Variants in SPDYE5 observed in about 807,000 individuals in gnomAD.
SPDYE5 encodes the protein speedy protein E5.
SPDYE5 carries 15 observed loss-of-function variants against 48.5 expected under a neutral mutation model. That is an observed-to-expected ratio of 0.31 (90% confidence interval 0.21 to 0.48). The LOEUF (loss-of-function observed/expected upper bound fraction) is 0.48, where lower values mean the gene tolerates loss of function less well. Among genes scored for constraint, SPDYE5 ranks in the 20% least tolerant of loss-of-function variants. SPDYE5 has a pLI of 0.99. For missense variants in SPDYE5, 331 were observed against 549.1 expected, an observed-to-expected ratio of 0.60 and a Z score of 3.97; for synonymous variants, 116 against 200.7, an observed-to-expected ratio of 0.58 and a Z score of 3.57.
chr7:75,501,497 G>A lies in SPDYE5; in HGVS notation c.891G>A (p.Pro297=), dbSNP rs374355997. ...TCCAGTTAGGCCGTTCCATGAACCC[G>A]AGGGCCAGGAAGAAGCGCTCTCGCA... ...RWFQLGRSMN[P]RARKKRSRIP... Residue 297 remains proline, a synonymous_variant, in exon 7 of 9, where the codon CCG becomes CCA. Coordinates refer to ENST00000625065, the MANE Select transcript of SPDYE5 (RefSeq NM_001306141.4). 20 of 1,322,264 alleles carry A rather than the reference G, an allele frequency of 1.5e-5. 4 individuals carry two copies. Among genetic ancestry groups the A allele is most frequent in the East Asian group, 5.5e-5 (2 of 36,070 alleles). 81.9% of individuals were successfully genotyped at this position (1,322,264 alleles called of 1,614,324 possible). A position where few individuals can be genotyped will look rare whatever the true frequency, so the allele number is the denominator to read the frequency against.
rs1725791498 is a variant in SPDYE5 at position 75,503,618 on chromosome 7, G to T, written c.*831G>T. On this transcript the variant is annotated 3_prime_UTR_variant, in exon 9 of 9. Coordinates refer to ENST00000625065, the MANE Select transcript of SPDYE5 (RefSeq NM_001306141.4). ...CAAAAAAAACATAATTCTGGTGATAGAAATTTTTATTTGCTGTTTAGGTTT... is the reference window on the plus strand; with the variant it reads ...CAAAAAAAACATAATTCTGGTGATATAAATTTTTATTTGCTGTTTAGGTTT... 2 of 151,304 alleles carry T rather than the reference G, an allele frequency of 1.3e-5. No individual in the cohort carries two copies. Among genetic ancestry groups the T allele is most frequent in the African/African-American group, 4.8e-5 (2 of 41,342 alleles). 9.4% of individuals were successfully genotyped at this position (151,304 alleles called of 1,614,324 possible). A position where few individuals can be genotyped will look rare whatever the true frequency, so the allele number is the denominator to read the frequency against.
intron 8 of SPDYE5, 84 bp downstream of exon 8, chr7:75,502,066 C>G: frequency 6.9e-7 from 1 of 1,449,278 alleles, no homozygotes; most frequent in African/African-American, 1.4e-5. Context: ...GATCCGGCTT[C>G]AAGCCTGGGC....
chr7:75,501,619 G>T lies in SPDYE5; in HGVS notation c.1013G>T (p.Arg338Leu). 1 of 1,613,112 alleles carries T rather than the reference G, an allele frequency of 6.2e-7. No individual in the cohort carries two copies. The highest frequency in any genetic ancestry group is 8.5e-7 in the Non-Finnish European group (1 of 1,179,628). ...RSRIPLLRKR[R>L]FQLGRSMNLR... Reference sequence around the variant, plus strand: ...CGCATACCCTTGCTCCGTAAGCGTCGGTTCCAGTTAGGCCGTTCCATGAAC... The same window carrying T: ...CGCATACCCTTGCTCCGTAAGCGTCTGTTCCAGTTAGGCCGTTCCATGAAC... Residue 338 changes from arginine to leucine, a missense_variant, in exon 7 of 9, where the codon CGG becomes CTG. Physicochemically the swap from Arg to Leu is moderately radical, Grantham distance 102 (BLOSUM62 -2). This residue lies in a region of SPDYE5 where 101 missense variants were observed against 104.0 expected (regional missense o/e 0.97). Coordinates refer to ENST00000625065, the MANE Select transcript of SPDYE5 (RefSeq NM_001306141.4).
chr7:75,502,023 T>G, intron 8 of SPDYE5, 41 bp downstream of exon 8: 4 of 1,523,380 alleles, frequency 2.6e-6, no homozygotes, highest in Non-Finnish European at 3.5e-6. Context: ...AATATTGGGG[T>G]CTATTTCGGA....
chr7:75,502,169 G>T (rs1394734519), intron 8 of SPDYE5, among the ~76,000 whole-genome samples, 187 bp downstream of exon 8: 1 of 151,498 alleles, frequency 6.6e-6, no homozygotes, highest in African/African-American at 2.4e-5. Flanking sequence ...AGGCTGAGGC[G>T]GGAGGATCGC....
rs1554483569 is a variant in SPDYE5, at chr7:75,501,678, C to G, written c.1072C>G (p.Leu358Val). Reference protein sequence around the residue: ...RARKNRSQIVLFQKRRFQFFC... With the variant: ...RARKNRSQIVVFQKRRFQFFC... The stretch of plus-strand genomic sequence containing the variant: ...CAGGAAGAACCGCTCTCAGATAGTC[C>G]TGTTCCAGAAACGTCGGTTCCAGTT... Residue 358 changes from leucine (L) to valine (V), a missense_variant, in exon 7 of 9, where the codon CTG becomes GTG. By Grantham distance (32) the Leu-to-Val change is conservative. Coordinates refer to ENST00000625065, the MANE Select transcript of SPDYE5 (RefSeq NM_001306141.4). The G allele has an allele frequency of 2.5e-6, 4 of 1,613,620 alleles. No individual in the cohort carries two copies. Among genetic ancestry groups the G allele is most frequent in the Non-Finnish European group, 3.4e-6 (4 of 1,180,028 alleles).
At position 75,496,756 on chromosome 7, in the gene SPDYE5, G is replaced by C; in HGVS notation, c.462G>C (p.Ser154=). The C allele has an allele frequency of 6.3e-7, 1 of 1,584,492 alleles. No homozygotes were observed. The highest frequency in any genetic ancestry group is 8.5e-7 in the Non-Finnish European group (1 of 1,173,856). Residue 154 remains serine (S), a synonymous_variant, in exon 4 of 9, where the codon TCG becomes TCC. Coordinates refer to ENST00000625065, the MANE Select transcript of SPDYE5 (RefSeq NM_001306141.4). The part of the protein sequence containing the change: ...KMEWWDESEE[S]LEEEPRKVLA... ...AGTGGTGGGACGAATCTGAGGAGTC[G>C]TTGGAGGAGGAGCCACGGAAGGTGC...
Position 75,502,859 on chromosome 7 carries a change from T to A in SPDYE5, c.*72T>A, listed in dbSNP as rs1401997183. ...ACACCGGACCCAGGGGAGATGTGGATTTTCAGCAGGAACTTTATTCCAATG... is the reference window on the plus strand; with the variant it reads ...ACACCGGACCCAGGGGAGATGTGGAATTTCAGCAGGAACTTTATTCCAATG... On this transcript the variant is annotated 3_prime_UTR_variant, in exon 9 of 9. Coordinates refer to ENST00000625065, the MANE Select transcript of SPDYE5 (RefSeq NM_001306141.4). 1 of 966,126 alleles carries A rather than the reference T, an allele frequency of 1.0e-6. No individual in the cohort carries two copies. Among genetic ancestry groups the A allele is most frequent in the African/African-American group, 1.8e-5 (1 of 56,836 alleles). The allele number at this position is 966,126 out of a possible 1,614,324, so 59.8% of individuals were successfully genotyped here. A position where few individuals can be genotyped will look rare whatever the true frequency, so the allele number is the denominator to read the frequency against.
Position 75,501,676 on chromosome 7 carries a change from T to G in SPDYE5, c.1070T>G (p.Val357Gly). The G allele has an allele frequency of 6.2e-7, 1 of 1,613,478 alleles. No individual in the cohort carries two copies. Among genetic ancestry groups the G allele is most frequent in the Non-Finnish European group, 8.5e-7 (1 of 1,179,982 alleles). ...GCCAGGAAGAACCGCTCTCAGATAGTCCTGTTCCAGAAACGTCGGTTCCAG... is the reference window on the plus strand; with the variant it reads ...GCCAGGAAGAACCGCTCTCAGATAGGCCTGTTCCAGAAACGTCGGTTCCAG... ...LRARKNRSQI[V>G]LFQKRRFQFF... Residue 357 changes from valine (V) to glycine (G), a missense_variant, in exon 7 of 9, where the codon GTC (valine) becomes GGC (glycine). Transcript: ENST00000625065.
intron 3 of SPDYE5, 92 bp downstream of exon 3, chr7:75,495,466 G>A (rs1190737899): frequency 1.7e-5 from 27 of 1,560,886 alleles, no homozygotes; most frequent in African/African-American, 2.7e-5. Context: ...GGAAAGATAC[G>A]CCCCCCGTGG....
Position 75,495,349 on chromosome 7 carries a change from C to A in SPDYE5, c.354C>A (p.His118Gln), listed in dbSNP as rs781813542. The A allele has an allele frequency of 1.9e-6, 3 of 1,597,510 alleles. No homozygotes were observed. Among genetic ancestry groups the A allele is most frequent in the Non-Finnish European group, 8.5e-7 (1 of 1,179,840 alleles). The change falls in exon 3 of 9, where the codon CAC becomes CAA. Residue 118 changes from histidine (H) to glutamine (Q), a missense_variant. Physicochemically the swap from His to Gln is conservative, Grantham distance 24 (BLOSUM62 0). This residue lies in a region of SPDYE5 where 65 missense variants were observed against 138.2 expected (regional missense o/e 0.47). Transcript: ENST00000625065. ...GAGTGTCACCCATCCTCCCTGAGCA[C>A]CACAAGGGCTTCAACAGTCAGCTTG... ...QQRVSPILPE[H>Q]HKGFNSQLAP...
chr7:75,502,133 G>A (rs774854587), intron 8 of SPDYE5, among the ~76,000 whole-genome samples, 151 bp downstream of exon 8: 3 of 152,002 alleles, frequency 2.0e-5, no homozygotes, highest in Admixed American at 2.0e-4. Flanking sequence ...CGATGTGGGA[G>A]GCATCTCTAC....
In SPDYE5 at chr7:75,502,334, G is replaced by A. The variant is rs371322305; in HGVS notation, c.*45+352G>A. On this transcript the variant is annotated intron_variant, in intron 8 of 8. Coordinates refer to ENST00000625065, the MANE Select transcript of SPDYE5 (RefSeq NM_001306141.4). ...TGCACTTGAGTTACCGATTTGGGTC[G>A]AGGGTTCAGTGAAGCTTTGGTTTAC... 4.2e-4 allele frequency among the ~76,000 whole-genome samples: 64 copies of A among 151,232 alleles called. No homozygotes were observed. In the East Asian group the frequency reaches 5.8e-3, roughly 14 times the overall value.
rs1435618307 is a variant in SPDYE5 at position 75,493,866 on chromosome 7, T to C, written c.-182T>C. 1.1e-5 allele frequency: 16 copies of C among 1,442,148 alleles called. No homozygotes were observed. Among genetic ancestry groups the C allele is most frequent in the Non-Finnish European group, 1.5e-5 (16 of 1,102,972 alleles). The allele number at this position is 1,442,148 out of a possible 1,614,324, so 89.3% of individuals were successfully genotyped here. On this transcript the variant is annotated 5_prime_UTR_variant, in exon 2 of 9. Transcript: ENST00000625065. ...GTTTTTTTTCAAACTGGTTGCCAGG[T>C]TGGCATGAGCGATGACATCAGAGAT...
chr7:75,497,045 A>G, intron 4 of SPDYE5, 141 bp downstream of exon 4: 1 of 624,666 alleles, frequency 1.6e-6, no homozygotes, highest in South Asian at 2.0e-5. Context: ...GTGATCACTC[A>G]TGAGGGACAC....
chr7:75,493,945 G>A lies in SPDYE5; in HGVS notation c.-103G>A. The A allele has an allele frequency of 1.8e-5, 27 of 1,500,546 alleles. No individual in the cohort carries two copies. Among genetic ancestry groups the A allele is most frequent in the Non-Finnish European group, 2.3e-5 (26 of 1,127,356 alleles). 93.0% of individuals were successfully genotyped at this position (1,500,546 alleles called of 1,614,324 possible). A position where few individuals can be genotyped will look rare whatever the true frequency, so the allele number is the denominator to read the frequency against. On this transcript the variant is annotated 5_prime_UTR_variant, in exon 2 of 9. It introduces an in-frame stop codon into an upstream open reading frame of the 5' UTR. Coordinates refer to ENST00000625065, the MANE Select transcript of SPDYE5 (RefSeq NM_001306141.4). ...CTCCGTGGTGCCTGGAGATCAGTTG[G>A]ACAACAGTATCTTCTCAGAGCTGTT...
rs1554482350 is a variant in SPDYE5 at position 75,495,252 on chromosome 7, T to A, written c.257T>A (p.Leu86His). ...TCTGCGGAGGAGCCGGAGAAGGAGCTCGCCCCTGAACCTGAGGAGACCTGG... is the reference window on the plus strand; with the variant it reads ...TCTGCGGAGGAGCCGGAGAAGGAGCACGCCCCTGAACCTGAGGAGACCTGG... ...DESAEEPEKE[L>H]APEPEETWVV... The change falls in exon 3 of 9, where the codon CTC becomes CAC. Residue 86 changes from leucine (L) to histidine (H), a missense_variant. Coordinates refer to ENST00000625065, the MANE Select transcript of SPDYE5 (RefSeq NM_001306141.4). The A allele has an allele frequency of 6.3e-7, 1 of 1,579,436 alleles. No individual in the cohort carries two copies.
intron 3 of SPDYE5, among the ~76,000 whole-genome samples, chr7:75,496,146 G>T (rs1792919268): frequency 6.6e-6 from 1 of 150,886 alleles, no homozygotes; most frequent in African/African-American, 2.4e-5. Context: ...CCAGCACTTT[G>T]GGAGGCCAGG....
rs1212006114 is a variant in SPDYE5 at position 75,492,442 on chromosome 7, G to T, written c.-422+1G>T. Among the ~76,000 whole-genome samples, 1 of 152,048 alleles carries T rather than the reference G, an allele frequency of 6.6e-6. No homozygotes were observed. Among genetic ancestry groups the T allele is most frequent in the Non-Finnish European group, 1.5e-5 (1 of 68,020 alleles). ...AAAACGTGTGGGAACTCACTCGCAG[G>T]TTCTTTATTTTTTTTGAGATGGAGT... On this transcript the variant is annotated splice_donor_variant, in intron 1 of 8. Coordinates refer to ENST00000625065, the MANE Select transcript of SPDYE5 (RefSeq NM_001306141.4). LOFTEE classifies it low-confidence loss of function (5UTR_SPLICE).
Sources: allele counts gnomAD v4.1 joint callset (sites outside exome capture counted in the v4.1 genomes callset), GRCh38; gene constraint gnomAD v4.1.1; regional missense constraint gnomAD v4.1.1; transcripts MANE v1.5; gene names NCBI Gene and HGNC (gene_info 2026-07-23, HGNC 2026-07-21).